TRPM3: variants seen among roughly 807,000 people sequenced by gnomAD.
TRPM3 encodes long transient receptor potential channel 3.
A neutral mutation model predicts 181.2 loss-of-function variants in TRPM3; 77 were observed. The ratio of observed to expected loss-of-function variants is 0.42; its 90% CI spans 0.35 to 0.51. The LOEUF (loss-of-function observed/expected upper bound fraction) is 0.51, where lower values mean the gene tolerates loss of function less well. Among genes scored for constraint, TRPM3 ranks in the 20% least tolerant of loss-of-function variants. The probability of loss-of-function intolerance (pLI) is 0.01; values close to 1 mark genes in which losing one functional copy is unlikely to be tolerated. For synonymous variants in TRPM3, 745 were observed against 796.4 expected (o/e 0.94, Z 1.09); for missense variants, 1,759 against 2,196.7 (o/e 0.80, Z 3.98).
At chr9:71,224,056 C>T (rs977501383) in intron 1 of TRPM3, among the ~76,000 whole-genome samples, 4 of 152,096 alleles carry the variant, frequency 2.6e-5, no homozygotes, top group East Asian at 1.9e-4. Flanking sequence ...GGCAATAGCC[C>T]AGTAGTGGCT....
chr9:70,823,646 G>A (rs942011338), intron 6 of TRPM3, among the ~76,000 whole-genome samples: 3 of 151,904 alleles, frequency 2.0e-5, no homozygotes, highest in East Asian at 1.9e-4. Flanking sequence ...AAAAACTATC[G>A]GCCATCACAC....
chr9:71,368,085 A>G (rs1056539770), intron 1 of TRPM3, among the ~76,000 whole-genome samples: 1 of 151,876 alleles, frequency 6.6e-6, no homozygotes, highest in Non-Finnish European at 1.5e-5. Flanking sequence ...AGTTTCAGTA[A>G]CCAGGGTTAC....
rs1243767909 is a variant in TRPM3, at chr9:70,531,012, C to G, written c.*4941G>C. ...TCCCACCCCCAAGGTGAAGAAGCCA[C>G]AAGACAAGGAGGGAGGTCTCTTGTC... On this transcript the variant is annotated 3_prime_UTR_variant, in exon 26 of 26. Coordinates refer to ENST00000677713, the MANE Select transcript of TRPM3 (RefSeq NM_001366145.2). 1 of 152,210 alleles carries G rather than the reference C, an allele frequency of 6.6e-6. No individual in the cohort carries two copies. Among genetic ancestry groups the G allele is most frequent in the Non-Finnish European group, 1.5e-5 (1 of 68,050 alleles). 9.4% of individuals were successfully genotyped at this position (152,210 alleles called of 1,614,324 possible).
intron 1 of TRPM3, among the ~76,000 whole-genome samples, chr9:71,413,843 G>T (rs1446628768): frequency 1.3e-5 from 2 of 148,606 alleles, no homozygotes; most frequent in East Asian, 4.0e-4. Context: ...CCAGGATTAT[G>T]AAAAATACAT....
rs537239895 is a variant in TRPM3 at position 71,431,472 on chromosome 9, T to C, written c.183+15181A>G. Among the ~76,000 whole-genome samples, 299 of 152,326 alleles carry C rather than the reference T, an allele frequency of 2.0e-3. 2 individuals carry two copies. The highest frequency in any genetic ancestry group is 2.2e-3 in the Non-Finnish European group (152 of 68,024). On this transcript the variant is annotated intron_variant, in intron 1 of 24. Coordinates refer to the TRPM3 transcript ENST00000357533. ...AGGCCTGCAGACAATATAGTTTCAT[T>C]ATCAAGTACTGCCTTGACTTAGTCT...
intron 1 of TRPM3, among the ~76,000 whole-genome samples, chr9:71,202,486 T>C (rs1278199876): frequency 2.6e-5 from 4 of 152,212 alleles, no homozygotes; most frequent in Non-Finnish European, 4.4e-5. Flanking sequence ...GACTTTGTTA[T>C]AGAGCTCTCT....
chr9:71,162,199 CAAAAAAAAA>C (rs35947110), intron 1 of TRPM3, among the ~76,000 whole-genome samples: 13 of 74,456 alleles, frequency 1.7e-4, no homozygotes, highest in African/African-American at 5.9e-4. Flanking sequence ...GACTCTGTCT[CAAAAAAAAA>C]AAAAAAAAAA....
At chr9:71,397,320 GT>G (rs1046942208) in intron 1 of TRPM3, among the ~76,000 whole-genome samples, 2 of 151,786 alleles carry the variant, frequency 1.3e-5, no homozygotes, top group East Asian at 1.9e-4. Context: ...TGTAATATCT[GT>G]TTTTTTTAAA....
intron 1 of TRPM3, among the ~76,000 whole-genome samples, chr9:71,361,033 C>T (rs2092121979): frequency 6.6e-6 from 1 of 152,168 alleles, no homozygotes; most frequent in Non-Finnish European, 1.5e-5. Flanking sequence ...GTGGCCTAGG[C>T]TGGAGTGCAG....
At chr9:71,209,567 TA>T (rs1225570638) in intron 1 of TRPM3, among the ~76,000 whole-genome samples, 1 of 152,170 alleles carries the variant, frequency 6.6e-6, no homozygotes, top group Non-Finnish European at 1.5e-5. Context: ...AAAACAGCAG[TA>T]AGCTTGGCAA....
At chr9:70,865,010 C>CT (rs1313169227) in intron 1 of TRPM3, among the ~76,000 whole-genome samples, 1 of 117,350 alleles carries the variant, frequency 8.5e-6, no homozygotes, top group Admixed American at 1.1e-4. Context: ...TATCACTATG[C>CT]TTTTTTCTAA....
At chr9:71,264,665 T>C (rs1006360335) in intron 1 of TRPM3, among the ~76,000 whole-genome samples, 2 of 152,178 alleles carry the variant, frequency 1.3e-5, no homozygotes, top group East Asian at 3.9e-4. Flanking sequence ...ATTTTTAGGG[T>C]AAGGAAACCA....
intron 8 of TRPM3, among the ~76,000 whole-genome samples, chr9:70,744,562 T>C (rs373074472): frequency 6.6e-6 from 1 of 152,134 alleles, no homozygotes; most frequent in South Asian, 2.1e-4. Context: ...TTATTGGCTG[T>C]TTTGGAATGG....
chr9:70,603,663 A>G (rs895470801), intron 19 of TRPM3, among the ~76,000 whole-genome samples, 193 bp from the exon 20 acceptor site: 2 of 152,194 alleles, frequency 1.3e-5, no homozygotes, highest in Non-Finnish European at 1.5e-5. Flanking sequence ...ATAATATGCA[A>G]TCTTCCTTTT....
intron 6 of TRPM3, among the ~76,000 whole-genome samples, chr9:70,818,441 C>G (rs2092889182): frequency 6.6e-6 from 1 of 152,308 alleles, no homozygotes; most frequent in South Asian, 2.1e-4. Context: ...CAGAGACCCG[C>G]AGGTAAAGCG....
At chr9:71,288,602 G>A (rs1464764482) in intron 1 of TRPM3, among the ~76,000 whole-genome samples, 1 of 152,014 alleles carries the variant, frequency 6.6e-6, no homozygotes, top group African/African-American at 2.4e-5. Context: ...TTTTTAAAAG[G>A]CATTTTCACA....
chr9:70,893,771 T>C (rs553069024), intron 1 of TRPM3, among the ~76,000 whole-genome samples: 1 of 152,148 alleles, frequency 6.6e-6, no homozygotes, highest in Non-Finnish European at 1.5e-5. Context: ...GTGAATAAGA[T>C]TAATATTAGA....
chr9:70,625,076 C>T lies in TRPM3; in HGVS notation c.1809+115G>A. 8.8e-7 allele frequency: 1 copy of T among 1,139,612 alleles called. No individual in the cohort carries two copies. The highest frequency in any genetic ancestry group is 1.8e-5 in the South Asian group (1 of 56,340). The allele number at this position is 1,139,612 out of a possible 1,614,324, so 70.6% of individuals were successfully genotyped here. ...TTACTTTTCTTTGATTGTTTAGGTT[C>T]ACTCTCAGCGCAATTTTCTGATTTT... On this transcript the variant is annotated intron_variant, in intron 14 of 25. Transcript: ENST00000677713. The surrounding 1 kb of genome is among the most constrained non-coding windows in gnomAD (Gnocchi z 4.8).
chr9:71,067,076 A>G (rs1364378653), intron 1 of TRPM3, among the ~76,000 whole-genome samples: 3 of 152,176 alleles, frequency 2.0e-5, no homozygotes, highest in African/African-American at 7.2e-5. Flanking sequence ...TCCCACATGC[A>G]TAAAAGCACT....
Sources: allele counts gnomAD v4.1 joint callset (sites outside exome capture counted in the v4.1 genomes callset), GRCh38; gene constraint gnomAD v4.1.1; non-coding constraint Gnocchi (gnomAD v3.1); transcripts MANE v1.5; gene names NCBI Gene and HGNC (gene_info 2026-07-23, HGNC 2026-07-21).